The following PTBP2 variants were observed in gnomAD, a reference collection of about 807,000 sequenced individuals.
PTBP2 encodes the protein polypyrimidine tract binding protein 2.
PTBP2 carries 13 observed loss-of-function variants against 61.4 expected under a neutral mutation model. That is an observed-to-expected ratio of 0.21 (90% CI 0.14 to 0.34). The LOEUF is 0.34. PTBP2 is among the 10% of genes least tolerant of loss of function. PTBP2 has a pLI of 1.00. For synonymous variants in PTBP2, 215 were observed against 218.5 expected, an observed-to-expected ratio of 0.98 and a Z score of 0.14; for missense variants, 405 against 642.6, an observed-to-expected ratio of 0.63 and a Z score of 4.00.
chr1:96,753,122 C>G (rs1017583300), intron 3 of PTBP2, among the ~76,000 whole-genome samples: 3 of 152,170 alleles, frequency 2.0e-5, no homozygotes, highest in Non-Finnish European at 4.4e-5. Context: ...CATTTCACTT[C>G]ATTCACAGTT....
At chr1:96,752,892 G>GGT (rs1654734395) in intron 3 of PTBP2, among the ~76,000 whole-genome samples, 1 of 152,058 alleles carries the variant, frequency 6.6e-6, no homozygotes, top group African/African-American at 2.4e-5. Context: ...GTACACGTGA[G>GGT]GTAAGTATCA....
intron 8 of PTBP2, among the ~76,000 whole-genome samples, chr1:96,799,037 C>T (rs1660682970): frequency 6.6e-6 from 1 of 152,090 alleles, no homozygotes; most frequent in South Asian, 2.1e-4. Flanking sequence ...TCTCTCTGGA[C>T]TTAGGGTCTC....
At chr1:96,725,301 GTTTTTTTTTT>G (rs34309895) in intron 2 of PTBP2, among the ~76,000 whole-genome samples, 1 of 135,862 alleles carries the variant, frequency 7.4e-6, no homozygotes, top group Non-Finnish European at 1.6e-5. Flanking sequence ...GGTTACACCA[GTTTTTTTTTT>G]TTTTTTTTGA....
chr1:96,764,334 C>T (rs1402855932), intron 3 of PTBP2, among the ~76,000 whole-genome samples: 1 of 152,188 alleles, frequency 6.6e-6, no homozygotes, highest in Non-Finnish European at 1.5e-5. Context: ...AAAAATACAA[C>T]TGTTCCTAAG....
intron 8 of PTBP2, 87 bp from the exon 9 acceptor site, chr1:96,804,713 C>T: frequency 1.5e-6 from 2 of 1,321,614 alleles, no homozygotes; most frequent in Non-Finnish European, 2.1e-6. Context: ...AGCCATGCAG[C>T]CATCGTGCTT....
intron 8 of PTBP2, among the ~76,000 whole-genome samples, chr1:96,792,778 AAC>A (rs1659990083): frequency 6.6e-6 from 1 of 151,782 alleles, no homozygotes; most frequent in Non-Finnish European, 1.5e-5. Flanking sequence ...CTTTTTGACA[AAC>A]AACACGTTAA....
intron 5 of PTBP2, among the ~76,000 whole-genome samples, chr1:96,776,186 GTTA>G (rs926850768): frequency 6.6e-6 from 1 of 151,930 alleles, no homozygotes; most frequent in Non-Finnish European, 1.5e-5. Flanking sequence ...GTCTATGCTT[GTTA>G]TTATAGATAA....
intron 3 of PTBP2, among the ~76,000 whole-genome samples, chr1:96,755,996 T>A (rs917617020): frequency 6.6e-6 from 1 of 152,312 alleles, no homozygotes; most frequent in Non-Finnish European, 1.5e-5. Context: ...TTCAGAACAT[T>A]GATAACACCA....
intron 2 of PTBP2, among the ~76,000 whole-genome samples, chr1:96,745,980 C>G (rs910508220): frequency 2.0e-5 from 3 of 151,592 alleles, no homozygotes; most frequent in African/African-American, 7.3e-5. Context: ...ACAGGAGAAT[C>G]GCTTGAACCC....
At position 96,769,740 on chromosome 1, in the gene PTBP2, T is replaced by A. The variant is rs1285378809; in HGVS notation, c.153T>A (p.Asp51Glu). The change falls in exon 4 of 14, where the codon GAT becomes GAA. Residue 51 changes from aspartate to glutamate, a missense_variant. Transcript: ENST00000674951. Reference sequence around the variant, plus strand: ...ATAGTAAAAAATTTAAAGGAGAAGATAAAATGGATGGTGCTCCTTCTCGTG... The same window carrying A: ...ATAGTAAAAAATTTAAAGGAGAAGAAAAAATGGATGGTGCTCCTTCTCGTG... Reference protein sequence around the residue: ...GNDSKKFKGEDKMDGAPSRVL... With the variant: ...GNDSKKFKGEEKMDGAPSRVL... 9 of 1,605,064 alleles carry A rather than the reference T, an allele frequency of 5.6e-6. No individual in the cohort carries two copies. The highest frequency in any genetic ancestry group is 7.7e-6 in the Non-Finnish European group (9 of 1,175,944).
chr1:96,794,877 A>G lies in PTBP2; in HGVS notation c.904+9623A>G, dbSNP rs183120033. Among the ~76,000 whole-genome samples, 628 of 152,326 alleles carry G rather than the reference A, an allele frequency of 4.1e-3. 4 individuals carry two copies. The Middle Eastern group carries it at 0.058, about 14-fold the overall frequency. ...TGTGATGAACATTCAGTTATGTGTG[A>G]CGAATAGGATAATTGAAAAAATATG... is the stretch of plus-strand genomic sequence containing the variant. On this transcript the variant is annotated intron_variant, in intron 8 of 13. Coordinates refer to ENST00000674951, the MANE Select transcript of PTBP2 (RefSeq NM_021190.4).
chr1:96,775,086 G>T (rs908370205), intron 5 of PTBP2, among the ~76,000 whole-genome samples: 1 of 152,142 alleles, frequency 6.6e-6, no homozygotes, highest in Non-Finnish European at 1.5e-5. Flanking sequence ...TCTCCTAAAA[G>T]CTATCCCCTG....
chr1:96,774,189 G>GT (rs1334016335), intron 5 of PTBP2, among the ~76,000 whole-genome samples: 1 of 151,742 alleles, frequency 6.6e-6, no homozygotes, highest in Non-Finnish European at 1.5e-5. Flanking sequence ...TCTTTTAATG[G>GT]TGAGGGTACA....
chr1:96,819,213 A>C (rs1423331146), downstream of PTBP2: 1 of 152,012 alleles, frequency 6.6e-6, no homozygotes, highest in African/African-American at 2.4e-5. Flanking sequence ...CACATTCTCT[A>C]TTCCTATTGC....
chr1:96,742,615 C>G (rs960764002), intron 2 of PTBP2, among the ~76,000 whole-genome samples: 2 of 143,946 alleles, frequency 1.4e-5, no homozygotes, highest in Non-Finnish European at 3.0e-5. Context: ...CCTTTATTTT[C>G]TTTTAAAATG....
intron 2 of PTBP2, among the ~76,000 whole-genome samples, chr1:96,746,077 A>AG (rs1653721371): frequency 6.6e-6 from 1 of 151,806 alleles, no homozygotes; most frequent in Admixed American, 6.6e-5. Context: ...AAAACAAACA[A>AG]AAAAAAACAA....
At chr1:96,754,045 TAAG>T (rs1037930871) in intron 3 of PTBP2, among the ~76,000 whole-genome samples, 1 of 152,134 alleles carries the variant, frequency 6.6e-6, no homozygotes, top group Non-Finnish European at 1.5e-5. Context: ...CTTACATTCC[TAAG>T]AAGCTCAGGT....
At chr1:96,775,648 G>C (rs936776324) in intron 5 of PTBP2, among the ~76,000 whole-genome samples, 1 of 152,030 alleles carries the variant, frequency 6.6e-6, no homozygotes, top group African/African-American at 2.4e-5. Context: ...TGTCCAATTT[G>C]TGGTATTTTA....
At chr1:96,775,082 A>C in intron 5 of PTBP2, among the ~76,000 whole-genome samples, 1 of 152,186 alleles carries the variant, frequency 6.6e-6, no homozygotes, top group Admixed American at 6.5e-5. Context: ...TTCTTCTCCT[A>C]AAAGCTATCC....
Sources: gnomAD v4.1 joint callset for allele counts (sites outside exome capture counted in the v4.1 genomes callset) on GRCh38, gnomAD v4.1.1 for gene constraint, MANE v1.5 for transcripts, NCBI Gene and HGNC (gene_info 2026-07-23, HGNC 2026-07-21) for gene names.